SLC49A3: variants seen among roughly 807,000 people sequenced by gnomAD.
The protein encoded by SLC49A3 is solute carrier family 49 member A3.
A neutral mutation model predicts 43.8 loss-of-function variants in SLC49A3; 50 were observed. The ratio of observed to expected loss-of-function variants is 1.14; its 90% CI spans 0.91 to 1.45. SLC49A3 has a LOEUF of 1.45. SLC49A3 is among the 40% of genes most tolerant of loss of function. SLC49A3 has a pLI of 0.00. For missense variants in SLC49A3, 906 were observed against 774.1 expected (o/e 1.17, Z -2.02); for synonymous variants, 413 against 352.0 (o/e 1.17, Z -1.94).
Position 684,706 on chromosome 4 carries a change from C to G in SLC49A3, c.723+13G>C. On this transcript the variant is annotated intron_variant, in intron 5 of 9. Coordinates refer to ENST00000322224, the MANE Select transcript of SLC49A3 (RefSeq NM_032219.4). ...CCAAATCCACCCTACCCCGGGGATC[C>G]CACGGCACTGACCAGCTTGAGCCCA... is the stretch of plus-strand genomic sequence containing the variant. 6.2e-7 allele frequency: 1 copy of G among 1,609,342 alleles called. No homozygotes were observed. The highest frequency in any genetic ancestry group is 8.5e-7 in the Non-Finnish European group (1 of 1,178,306).
downstream of SLC49A3, chr4:678,407 G>C (rs1421409681): frequency 2.1e-6 from 3 of 1,419,704 alleles, no homozygotes; most frequent in Admixed American, 5.8e-5. Context: ...TGACCACTGT[G>C]CTCTGTGGGC....
chr4:677,967 G>A, downstream of SLC49A3: 1 of 1,613,168 alleles, frequency 6.2e-7, no homozygotes, highest in Admixed American at 1.7e-5. Flanking sequence ...CCAAGCAGGA[G>A]CTTAAGATGG....
At position 686,797 on chromosome 4, in the gene SLC49A3, G is replaced by A. The variant is rs946507210; in HGVS notation, c.136-107C>T. ...AGAGTGCCAGCAGCCCCGTGAGGCCGAGGGGACACAGCGAGCTGGACACGG... is the reference window on the plus strand; with the variant it reads ...AGAGTGCCAGCAGCCCCGTGAGGCCAAGGGGACACAGCGAGCTGGACACGG... On this transcript the variant is annotated intron_variant, in intron 1 of 9. Coordinates refer to ENST00000322224, the MANE Select transcript of SLC49A3 (RefSeq NM_032219.4). 19 of 1,399,008 alleles carry A rather than the reference G, an allele frequency of 1.4e-5. No homozygotes were observed. The African/African-American group carries it at 1.4e-4, about 11-fold the overall frequency. 86.7% of individuals were successfully genotyped at this position (1,399,008 alleles called of 1,614,324 possible).
intron 1 of SLC49A3, 31 bp downstream of exon 1, chr4:688,962 C>G (rs762967533): frequency 1.7e-5 from 27 of 1,578,300 alleles, no homozygotes; most frequent in Non-Finnish European, 2.0e-5. Flanking sequence ...CTGAGGGTCC[C>G]GGAGCCACCT....
In SLC49A3 at chr4:685,116, C is replaced by T. The variant is rs1740724544; in HGVS notation, c.586-260G>A. The T allele has an allele frequency of 1.9e-6, 1 of 538,862 alleles. No homozygotes were observed. Among genetic ancestry groups the T allele is most frequent in the African/African-American group, 1.9e-5 (1 of 51,788 alleles). The allele number at this position is 538,862 out of a possible 1,614,324, so 33.4% of individuals were successfully genotyped here. ...GATGTTAGCCCAGCACCCCCAGGCT[C>T]CAGACTTACATCTCACTGCCAGCTG... On this transcript the variant is annotated intron_variant, in intron 4 of 9. Transcript: ENST00000322224. The surrounding 1 kb of genome is among the most constrained non-coding windows in gnomAD (Gnocchi z 4.3).
chr4:687,036 C>G (rs1225492044), intron 1 of SLC49A3, among the ~76,000 whole-genome samples: 1 of 152,234 alleles, frequency 6.6e-6, no homozygotes, highest in African/African-American at 2.4e-5. Context: ...TCAGCTAGAA[C>G]CTCTGGGACT....
At chr4:677,955 G>A (rs963555848), downstream of SLC49A3, 4 of 1,612,564 alleles carry the variant, frequency 2.5e-6, no homozygotes, top group Non-Finnish European at 3.4e-6. Context: ...TGTCCTGGGG[G>A]ACCAAGCAGG....
chr4:684,894 A>G, intron 4 of SLC49A3, 38 bp from the exon 5 acceptor site: 1 of 1,594,248 alleles, frequency 6.3e-7, no homozygotes, highest in African/African-American at 1.3e-5. Flanking sequence ...GACCACGCAG[A>G]CTGGCACCCA....
chr4:682,021 C>G lies in SLC49A3; in HGVS notation c.1617G>C (p.Ala539=), dbSNP rs776474640. The G allele has an allele frequency of 2.1e-6, 3 of 1,429,696 alleles. No individual in the cohort carries two copies. The highest frequency in any genetic ancestry group is 5.1e-5 in the Admixed American group (2 of 39,448). 88.6% of individuals were successfully genotyped at this position (1,429,696 alleles called of 1,614,324 possible). ...ACCCAGCCGGGTCAATAAACCTGGA[C>G]GCTTGGACCCTGCCTGCGAGTCTGC... ...RPGRLAGRVQ[A]SRFIDPAGSH... Residue 539 remains alanine (A), a synonymous_variant, in exon 10 of 10, where the codon GCG becomes GCC. Transcript: ENST00000322224.
In SLC49A3 at chr4:682,825, G is replaced by T. The variant is rs372313639; in HGVS notation, c.1217C>A (p.Ser406Tyr). 2.5e-6 allele frequency: 4 copies of T among 1,604,786 alleles called. No homozygotes were observed. Among genetic ancestry groups the T allele is most frequent in the Non-Finnish European group, 3.4e-6 (4 of 1,174,732 alleles). The change falls in exon 9 of 10, where the codon TCC becomes TAC. Residue 406 changes from serine (S) to tyrosine (Y), a missense_variant. Physicochemically the swap from Ser to Tyr is moderately radical, Grantham distance 144 (BLOSUM62 -2). Transcript: ENST00000322224. ...TALTVRRSEP[S>Y]LSTCQQGEDP... ...CTCCCCCTGCTGGCAGGTGGACAAG[G>T]ACGGCTCCGAGCGTCGCACAGTCAG...
At chr4:689,158 C>T (rs113849912), upstream of SLC49A3, 21,716 of 1,287,484 alleles carry the variant, frequency 0.017, 241 homozygotes, top group Middle Eastern at 0.019. Flanking sequence ...CTCCGCCGGT[C>T]CCGCCGGCCG....
Position 686,598 on chromosome 4 carries a change from G to A in SLC49A3, c.228C>T (p.Leu76=), listed in dbSNP as rs779801661. The A allele has an allele frequency of 4.3e-6, 7 of 1,613,318 alleles. No individual in the cohort carries two copies. The highest frequency in any genetic ancestry group is 1.7e-5 in the Admixed American group (1 of 60,030). The change falls in exon 2 of 10, where the codon CTC becomes CTT. Residue 76 remains leucine (L), a synonymous_variant. Transcript: ENST00000322224. The stretch of plus-strand genomic sequence containing the variant: ...CCACGCCAAATGGGGTGGATACCAC[G>A]AGGTAGACCAGTGACAGCCAGTTGA... ...EQINWLSLVY[L]VVSTPFGVAA...
At chr4:680,122 C>T (rs910417385), downstream of SLC49A3, 54 of 1,148,344 alleles carry the variant, frequency 4.7e-5, no homozygotes, top group Non-Finnish European at 6.3e-5. Flanking sequence ...CTGGAGAAGC[C>T]CTAGGGCCTG....
At position 686,294 on chromosome 4, in the gene SLC49A3, C is replaced by CA. The variant is rs751981644; in HGVS notation, c.302dup (p.Ala103CysfsTer88). On this transcript the variant is annotated frameshift_variant, in exon 3 of 10. Transcript: ENST00000322224. LOFTEE classifies it high-confidence loss of function. ...TCCCGGCAAAGTTCAGCCACGCACC[C>CA]AGGATGGTCTGCGAGGAGGGGGTCG... The CA allele has an allele frequency of 6.2e-7, 1 of 1,613,128 alleles. No homozygotes were observed.
chr4:679,873 G>A, downstream of SLC49A3: 1 of 1,579,758 alleles, frequency 6.3e-7, no homozygotes, highest in Non-Finnish European at 8.7e-7. Context: ...CACAGGGCAG[G>A]CAACAAGCCC....
At chr4:680,793 G>T, downstream of SLC49A3, 1 of 647,148 alleles carries the variant, frequency 1.5e-6, no homozygotes, top group Admixed American at 2.9e-5. Flanking sequence ...TGCCCGGTGG[G>T]GGTGGGGCGG....
At chr4:678,190 A>G, downstream of SLC49A3, 7 of 1,528,714 alleles carry the variant, frequency 4.6e-6, no homozygotes, top group South Asian at 6.1e-5. Flanking sequence ...GAGCGTGTGT[A>G]TGTGCGTGTG....
chr4:679,828 C>T, downstream of SLC49A3: 1 of 1,160,590 alleles, frequency 8.6e-7, no homozygotes, highest in Middle Eastern at 2.0e-4. Flanking sequence ...TCCCATCTGC[C>T]TGCCTGGCCC....
chr4:680,367 C>T (rs1041105075), downstream of SLC49A3: 3 of 887,934 alleles, frequency 3.4e-6, no homozygotes, highest in East Asian at 4.9e-5. Flanking sequence ...AAGGAGAAGG[C>T]CTTCAGGCAG....
Sources: gnomAD v4.1 joint callset for allele counts (sites outside exome capture counted in the v4.1 genomes callset) on GRCh38, gnomAD v4.1.1 for gene constraint, Gnocchi (gnomAD v3.1) non-coding constraint, MANE v1.5 for transcripts, NCBI Gene and HGNC (gene_info 2026-07-23, HGNC 2026-07-21) for gene names.